Variants in PUDP observed in about 807,000 individuals in gnomAD.
PUDP encodes the protein pseudouridine-5'-phosphatase.
Under a neutral mutation model 9.4 loss-of-function variants are expected in PUDP, and 8 were observed. The ratio of observed to expected loss-of-function variants is 0.85; its 90% CI spans 0.50 to 1.53. The LOEUF (loss-of-function observed/expected upper bound fraction) is 1.53. Among genes scored for constraint, PUDP ranks in the 40% most tolerant of loss-of-function variants. The pLI is 0.00. For missense variants in PUDP, 188 were observed against 189.7 expected, an observed-to-expected ratio of 0.99 and a Z score of 0.05; for synonymous variants, 99 against 80.7, an observed-to-expected ratio of 1.23 and a Z score of -1.22.
At chrX:6,716,409 A>G (rs765171559) in intron 1 of PUDP, among the ~76,000 whole-genome samples, 1 of 111,950 alleles carries the variant, frequency 8.9e-6, no homozygotes, top group Non-Finnish European at 1.9e-5. Context: ...TGACAGCTAC[A>G]ACGAATGGCT....
At chrX:6,816,763 AAT>A (rs1352120604) in intron 3 of PUDP, among the ~76,000 whole-genome samples, 3 of 95,469 alleles carry the variant, frequency 3.1e-5, no homozygotes, top group Non-Finnish European at 6.1e-5. Context: ...TAGTATATAC[AAT>A]ATATATACAC....
intron 1 of PUDP, among the ~76,000 whole-genome samples, chrX:6,710,974 G>A (rs73188673): frequency 0.069 from 7,704 of 110,937 alleles, 280 homozygotes; most frequent in African/African-American, 0.12. Flanking sequence ...GGGGAAAAGT[G>A]TGGAGCTGCA....
intron 1 of PUDP, among the ~76,000 whole-genome samples, chrX:6,719,661 C>A (rs1343633646): frequency 8.9e-6 from 1 of 111,981 alleles, no homozygotes; most frequent in Non-Finnish European, 1.9e-5. Context: ...ACTGCCCTGT[C>A]CCATTGATCT....
At chrX:6,949,098 T>A (rs181784574) in intron 3 of PUDP, among the ~76,000 whole-genome samples, 1 of 111,796 alleles carries the variant, frequency 8.9e-6, no homozygotes, top group Admixed American at 9.5e-5. Context: ...ATTACTGAAA[T>A]CATATATCTG....
At chrX:6,784,223 C>T (rs1252682600) in intron 3 of PUDP, among the ~76,000 whole-genome samples, 2 of 111,806 alleles carry the variant, frequency 1.8e-5, no homozygotes, top group Non-Finnish European at 3.8e-5. Context: ...ACATTCACAT[C>T]AACATCTTCT....
chrX:7,128,539 C>T (rs1602825219), intron 1 of PUDP, among the ~76,000 whole-genome samples: 1 of 111,343 alleles, frequency 9.0e-6, no homozygotes, highest in East Asian at 2.8e-4. Flanking sequence ...GAAAGCAGAG[C>T]ATGAAAAAGG....
intron 3 of PUDP, chrX:7,057,643 C>T (rs1235462205): frequency 1.6e-5 from 18 of 1,123,050 alleles, no homozygotes; most frequent in Non-Finnish European, 2.0e-5. Flanking sequence ...TTGAGGCCAT[C>T]GTGGGACACC....
intron 1 of PUDP, among the ~76,000 whole-genome samples, chrX:6,712,964 T>C (rs1312210304): frequency 9.0e-6 from 1 of 111,696 alleles, no homozygotes; most frequent in African/African-American, 3.3e-5. Context: ...GGAGAATTGC[T>C]TGAACCCAGG....
intron 1 of PUDP, among the ~76,000 whole-genome samples, chrX:7,115,821 C>T (rs1294226035): frequency 1.8e-5 from 2 of 112,697 alleles, no homozygotes; most frequent in East Asian, 5.6e-4. Flanking sequence ...ACGCACGTGG[C>T]TGCAAGGGGG....
intron 3 of PUDP, among the ~76,000 whole-genome samples, chrX:6,750,763 C>T (rs769624245): frequency 9.8e-5 from 11 of 112,034 alleles, no homozygotes; most frequent in Admixed American, 2.8e-4. Context: ...GTAACTACTT[C>T]AACAGGAAGA....
intron 3 of PUDP, among the ~76,000 whole-genome samples, chrX:6,777,402 C>A: frequency 8.9e-6 from 1 of 111,840 alleles, no homozygotes; most frequent in Admixed American, 9.5e-5. Context: ...AGAGGACTCC[C>A]CCAATAGAAA....
chrX:6,819,912 G>A (rs1344203996), intron 3 of PUDP, among the ~76,000 whole-genome samples: 1 of 110,432 alleles, frequency 9.1e-6, no homozygotes, highest in African/African-American at 3.3e-5. Context: ...TACGTCAGGT[G>A]TGCAGAAATG....
At chrX:6,863,814 A>G (rs1401137965) in intron 3 of PUDP, among the ~76,000 whole-genome samples, 1 of 112,065 alleles carries the variant, frequency 8.9e-6, no homozygotes, top group Non-Finnish European at 1.9e-5. Flanking sequence ...GTTGTAAACC[A>G]GAATTGGGAG....
intron 1 of PUDP, among the ~76,000 whole-genome samples, chrX:7,028,354 CA>C (rs1929747169): frequency 9.1e-6 from 1 of 110,297 alleles, no homozygotes; most frequent in African/African-American, 3.3e-5. Context: ...TAATTGTATC[CA>C]AAAAAATCGG....
chrX:6,943,458 T>C (rs1484090247), intron 3 of PUDP, among the ~76,000 whole-genome samples: 1 of 111,954 alleles, frequency 8.9e-6, no homozygotes, highest in Non-Finnish European at 1.9e-5. Flanking sequence ...GCCATTCCAT[T>C]TATTATCCCA....
In PUDP at chrX:6,902,596, G is replaced by A. The variant is rs781021540; in HGVS notation, c.*247+74537C>T. Among the ~76,000 whole-genome samples the A allele has an allele frequency of 2.7e-5, 3 of 112,312 alleles. No homozygotes were observed. The South Asian group carries it at 1.1e-3, about 42-fold the overall frequency. ...TTGTATTTGGGGGCAGAGGGCAGGG[G>A]CTTTTAAAGAGGCACTGGGCGTAAA... On this transcript the variant is annotated intron_variant and NMD_transcript_variant, in intron 3 of 3. Coordinates refer to the PUDP transcript ENST00000655425.
intron 3 of PUDP, among the ~76,000 whole-genome samples, chrX:6,878,811 A>G (rs1200032796): frequency 8.9e-6 from 1 of 112,295 alleles, no homozygotes; most frequent in Non-Finnish European, 1.9e-5. Context: ...GGGTACAGAC[A>G]ACAGTGTTTA....
chrX:6,803,439 C>T (rs1309228853), intron 3 of PUDP, among the ~76,000 whole-genome samples: 1 of 112,004 alleles, frequency 8.9e-6, no homozygotes, highest in African/African-American at 3.2e-5. Flanking sequence ...AGATGAAATA[C>T]ATTTTTCAGC....
intron 3 of PUDP, among the ~76,000 whole-genome samples, chrX:6,843,905 C>T (rs762134792): frequency 8.9e-6 from 1 of 112,754 alleles, no homozygotes; most frequent in East Asian, 2.8e-4. Context: ...TAACAAATGA[C>T]CACAAAAACT....
Sources: allele counts gnomAD v4.1 joint callset (sites outside exome capture counted in the v4.1 genomes callset), GRCh38; gene constraint gnomAD v4.1.1; transcripts MANE v1.5; gene names NCBI Gene and HGNC (gene_info 2026-07-23, HGNC 2026-07-21).